Variants in CNKSR3 observed in about 807,000 individuals in gnomAD.
The protein encoded by CNKSR3 is connector enhancer of kinase suppressor of ras 3.
A neutral mutation model predicts 67.7 loss-of-function variants in CNKSR3; 36 were observed. That is an observed-to-expected ratio of 0.53 (90% CI 0.41 to 0.70). The LOEUF is 0.70. Ranked by LOEUF, CNKSR3 falls within the 30% of genes least tolerant of loss-of-function variation. The probability of loss-of-function intolerance (pLI) is 0.00; values close to 1 mark genes in which losing one functional copy is unlikely to be tolerated. For synonymous variants in CNKSR3, 281 were observed against 271.4 expected, an observed-to-expected ratio of 1.04 and a Z score of -0.35; for missense variants, 630 against 695.2, an observed-to-expected ratio of 0.91 and a Z score of 1.05.
chr6:154,432,261 C>T (rs181376444), intron 5 of CNKSR3, among the ~76,000 whole-genome samples: 2 of 152,178 alleles, frequency 1.3e-5, no homozygotes, highest in African/African-American at 2.4e-5. Flanking sequence ...ATACAAATGA[C>T]ATTGAACATC....
intron 1 of CNKSR3, among the ~76,000 whole-genome samples, chr6:154,509,230 C>G (rs1031198430): frequency 2.2e-4 from 34 of 151,962 alleles, no homozygotes; most frequent in African/African-American, 8.0e-4. Flanking sequence ...ACCTTTCCCT[C>G]GAAATCGTAG....
At chr6:154,410,003 C>T (rs55659714) in intron 12 of CNKSR3, among the ~76,000 whole-genome samples, 4,089 of 152,180 alleles carry the variant, frequency 0.027, 91 homozygotes, top group Non-Finnish European at 0.044. Context: ...GGTATGATCA[C>T]GCCACTGCAC....
intron 4 of CNKSR3, among the ~76,000 whole-genome samples, chr6:154,438,037 C>A (rs571390946): frequency 1.5e-3 from 227 of 152,258 alleles, no homozygotes; most frequent in African/African-American, 5.2e-3. Flanking sequence ...ACCTCGTGAT[C>A]CACCCGCCTC....
chr6:154,450,231 A>T lies in CNKSR3; in HGVS notation c.80T>A (p.Val27Asp). ...GATCTTCTCTCGTTCAAACTTGTGG[A>T]CATATTGTTGCAGGCAGTCATCCAA... ...RGLDDCLQQY[V>D]HKFEREKING... Residue 27 changes from valine (V) to aspartate (D), a missense_variant, in exon 2 of 13, where the codon GTC (valine) becomes GAC (aspartate). By Grantham distance (152) the Val-to-Asp change is radical. Transcript: ENST00000607772. The T allele has an allele frequency of 6.2e-7, 1 of 1,614,086 alleles. No individual in the cohort carries two copies. Among genetic ancestry groups the T allele is most frequent in the Non-Finnish European group, 8.5e-7 (1 of 1,180,010 alleles).
At chr6:154,456,427 G>A (rs1212984725) in intron 1 of CNKSR3, among the ~76,000 whole-genome samples, 1 of 151,496 alleles carries the variant, frequency 6.6e-6, no homozygotes, top group Admixed American at 6.6e-5. Flanking sequence ...GCCAGGCGCG[G>A]TGGCTCACGT....
intron 1 of CNKSR3, among the ~76,000 whole-genome samples, chr6:154,482,188 G>A (rs1039005868): frequency 2.0e-5 from 3 of 152,166 alleles, no homozygotes; most frequent in Non-Finnish European, 2.9e-5. Context: ...TATGCCTAAG[G>A]GATCTCAGAG....
chr6:154,477,670 T>C (rs1786482159), intron 1 of CNKSR3, among the ~76,000 whole-genome samples: 1 of 152,146 alleles, frequency 6.6e-6, no homozygotes, highest in South Asian at 2.1e-4. Flanking sequence ...TGGAATGACA[T>C]TGATACTAGC....
chr6:154,460,882 C>T (rs1165658497), intron 1 of CNKSR3, among the ~76,000 whole-genome samples: 1 of 152,206 alleles, frequency 6.6e-6, no homozygotes, highest in South Asian at 2.1e-4. Flanking sequence ...GCGACAGCTG[C>T]ACCCATTGCT....
intron 10 of CNKSR3, 46 bp from the exon 11 acceptor site, chr6:154,411,188 C>A: frequency 7.2e-7 from 1 of 1,384,974 alleles, no homozygotes; most frequent in South Asian, 1.2e-5. Flanking sequence ...CAAAGATGTT[C>A]TCATACTGAA....
intron 1 of CNKSR3, among the ~76,000 whole-genome samples, chr6:154,451,071 T>C (rs1484290222): frequency 9.9e-5 from 15 of 152,168 alleles, no homozygotes; most frequent in Admixed American, 8.5e-4. Context: ...TTCTTATAAA[T>C]ACAGACTATA....
rs777553572 is a variant in CNKSR3 at position 154,399,633 on chromosome 6, T to C, written c.*6721A>G. The stretch of plus-strand genomic sequence containing the variant: ...TCTAAATTCGCGCTAATTCCTCAAA[T>C]CCCTCCTCTTATCCTGGTGCAGCCT... On this transcript the variant is annotated 3_prime_UTR_variant, in exon 13 of 13. Transcript: ENST00000607772. The C allele has an allele frequency of 6.6e-6, 1 of 151,830 alleles. No individual in the cohort carries two copies. The highest frequency in any genetic ancestry group is 2.4e-5 in the African/African-American group (1 of 41,324). The allele number at this position is 151,830 out of a possible 1,614,324, so 9.4% of individuals were successfully genotyped here.
At chr6:154,437,980 T>G (rs1785506200) in intron 4 of CNKSR3, among the ~76,000 whole-genome samples, 1 of 151,906 alleles carries the variant, frequency 6.6e-6, no homozygotes. Context: ...GTCTACTCCT[T>G]CTGAAGCAGG....
rs1784632489 is a variant in CNKSR3, at chr6:154,393,882, A to G, written c.*12472T>C. The G allele has an allele frequency of 6.6e-6, 1 of 152,260 alleles. No individual in the cohort carries two copies. The highest frequency in any genetic ancestry group is 2.4e-5 in the African/African-American group (1 of 41,476). 9.4% of individuals were successfully genotyped at this position (152,260 alleles called of 1,614,324 possible). A position where few individuals can be genotyped will look rare whatever the true frequency, so the allele number is the denominator to read the frequency against. ...AAAATAAATGTTTTGGGGAAAATGT[A>G]GTCTTGAGTATTAATATTAGAAAAG... is the stretch of plus-strand genomic sequence containing the variant. On this transcript the variant is annotated 3_prime_UTR_variant, in exon 13 of 13. Coordinates refer to ENST00000607772, the MANE Select transcript of CNKSR3 (RefSeq NM_173515.4).
chr6:154,450,245 G>A lies in CNKSR3; in HGVS notation c.66C>T (p.Cys22=). ...CAAACTTGTGGACATATTGTTGCAG[G>A]CAGTCATCCAACCCTGCCAAAAACA... ...VVDWTRGLDD[C]LQQYVHKFER... is the part of the protein sequence containing the mutation. Residue 22 remains cysteine, a synonymous_variant, in exon 2 of 13, where the codon TGC becomes TGT. Transcript: ENST00000607772. The A allele has an allele frequency of 6.2e-7, 1 of 1,613,876 alleles. No individual in the cohort carries two copies. Among genetic ancestry groups the A allele is most frequent in the Non-Finnish European group, 8.5e-7 (1 of 1,179,926 alleles).
chr6:154,418,140 C>A (rs1785059707), intron 9 of CNKSR3, among the ~76,000 whole-genome samples: 2 of 152,206 alleles, frequency 1.3e-5, no homozygotes. Context: ...AGAAGAATGG[C>A]CCTCAGCTGA....
At chr6:154,430,732 A>G (rs1562328932) in intron 5 of CNKSR3, 141 bp from the exon 6 acceptor site, 2 of 752,654 alleles carry the variant, frequency 2.7e-6, no homozygotes, top group South Asian at 1.8e-5. Context: ...CAGTGAATGC[A>G]TGGCATTTAG....
At chr6:154,433,153 T>C (rs1041133980) in intron 5 of CNKSR3, among the ~76,000 whole-genome samples, 7 of 152,206 alleles carry the variant, frequency 4.6e-5, no homozygotes, top group African/African-American at 1.2e-4. Context: ...AAAGTGAAAT[T>C]TGCACATCAG....
intron 9 of CNKSR3, 51 bp downstream of exon 9, chr6:154,422,455 A>C: frequency 1.3e-6 from 2 of 1,556,428 alleles, no homozygotes. Flanking sequence ...TTTGGAGACT[A>C]ATGAGATACT....
chr6:154,439,939 G>A (rs1024046215), intron 4 of CNKSR3, among the ~76,000 whole-genome samples: 1 of 152,020 alleles, frequency 6.6e-6, no homozygotes, highest in African/African-American at 2.4e-5. Flanking sequence ...ACGGGAAGAG[G>A]GAAGCAAGGG....
Sources: allele counts gnomAD v4.1 joint callset (sites outside exome capture counted in the v4.1 genomes callset), GRCh38; gene constraint gnomAD v4.1.1; transcripts MANE v1.5; gene names NCBI Gene and HGNC (gene_info 2026-07-23, HGNC 2026-07-21).